The following ARL15 variants were observed in gnomAD, a reference collection of about 807,000 sequenced individuals.
ARL15 encodes ARF like GTPase 15, also known as ADP-ribosylation factor-like protein 15.
In ARL15, 19 loss-of-function variants were observed where a neutral mutation model predicts 25.2. That is an observed-to-expected ratio of 0.75 (90% CI 0.53 to 1.10). The LOEUF is 1.10. Ranked by LOEUF, ARL15 falls within the 50% of genes least tolerant of loss-of-function variation. The pLI, the probability that ARL15 is intolerant of heterozygous loss-of-function variation, is 0.00. For synonymous variants in ARL15, 94 were observed against 86.8 expected (o/e 1.08, Z -0.46); for missense variants, 220 against 246.0 (o/e 0.89, Z 0.71).
At chr5:54,155,438 T>C (rs187580629) in intron 2 of ARL15, among the ~76,000 whole-genome samples, 128 of 152,322 alleles carry the variant, frequency 8.4e-4, no homozygotes, top group East Asian at 4.2e-3. Flanking sequence ...ATAGTATTTA[T>C]GTTAGTGTCT....
intron 4 of ARL15, among the ~76,000 whole-genome samples, chr5:53,939,712 AG>A (rs1746472422): frequency 6.6e-6 from 1 of 151,898 alleles, no homozygotes. Context: ...TCCAGCCTGG[AG>A]ATAAAGCGAG....
chr5:53,899,809 C>T (rs528579250), intron 4 of ARL15, among the ~76,000 whole-genome samples: 138 of 152,188 alleles, frequency 9.1e-4, no homozygotes, highest in African/African-American at 1.7e-3. Flanking sequence ...TTCCAAGTTA[C>T]GACAAGAAAA....
chr5:54,093,780 T>C (rs1241762282), intron 4 of ARL15, among the ~76,000 whole-genome samples: 1 of 152,188 alleles, frequency 6.6e-6, no homozygotes, highest in Non-Finnish European at 1.5e-5. Flanking sequence ...AAAATGACTT[T>C]TACTCTTTTC....
At chr5:54,152,399 G>C (rs1754092686) in intron 3 of ARL15, among the ~76,000 whole-genome samples, 2 of 152,076 alleles carry the variant, frequency 1.3e-5, no homozygotes, top group Admixed American at 6.5e-5. Context: ...CTAGTACCTA[G>C]CCTCAAAAAA....
chr5:54,292,525 C>G (rs1160340692), intron 1 of ARL15, among the ~76,000 whole-genome samples: 1 of 152,130 alleles, frequency 6.6e-6, no homozygotes, highest in East Asian at 1.9e-4. Context: ...GCTATAGACC[C>G]TCGTAAGCCC....
intron 2 of ARL15, among the ~76,000 whole-genome samples, chr5:54,158,338 T>C (rs542801141): frequency 5.8e-4 from 89 of 152,200 alleles, no homozygotes; most frequent in Middle Eastern, 3.2e-3. Context: ...AGTCCATGTT[T>C]TTCCAGTATT....
At chr5:53,945,007 T>C (rs981388160) in intron 4 of ARL15, among the ~76,000 whole-genome samples, 4 of 152,180 alleles carry the variant, frequency 2.6e-5, no homozygotes, top group Non-Finnish European at 5.9e-5. Flanking sequence ...CAAATACTGA[T>C]TCCTGGGCAA....
intron 4 of ARL15, among the ~76,000 whole-genome samples, chr5:54,072,014 G>C (rs1278970581): frequency 1.4e-5 from 2 of 147,878 alleles, no homozygotes; most frequent in African/African-American, 5.0e-5. Flanking sequence ...AAGAAAATAA[G>C]AGCTACACAT....
chr5:54,158,612 C>T (rs1296380489), intron 2 of ARL15, among the ~76,000 whole-genome samples: 3 of 152,152 alleles, frequency 2.0e-5, no homozygotes, highest in Non-Finnish European at 2.9e-5. Flanking sequence ...CGGTGGCTCA[C>T]GCCTGTAATC....
chr5:54,011,785 C>T (rs1305580313), intron 4 of ARL15, among the ~76,000 whole-genome samples: 5 of 152,092 alleles, frequency 3.3e-5, no homozygotes, highest in East Asian at 1.9e-4. Context: ...CCGAGGCGGG[C>T]GGATCTCGAG....
chr5:54,139,372 G>T (rs117435497), intron 3 of ARL15, among the ~76,000 whole-genome samples: 1 of 152,104 alleles, frequency 6.6e-6, no homozygotes, highest in East Asian at 1.9e-4. Context: ...AGCAACTTGC[G>T]TGAAGCTAGA....
At chr5:54,178,253 T>C (rs1466742861) in intron 1 of ARL15, among the ~76,000 whole-genome samples, 1 of 152,216 alleles carries the variant, frequency 6.6e-6, no homozygotes, top group Non-Finnish European at 1.5e-5. Flanking sequence ...TTGTTTCAAT[T>C]GATGCTCTGT....
intron 4 of ARL15, among the ~76,000 whole-genome samples, chr5:54,062,829 G>A (rs1056082195): frequency 6.6e-6 from 1 of 152,148 alleles, no homozygotes; most frequent in African/African-American, 2.4e-5. Flanking sequence ...ATGGGGAATG[G>A]CATTCCTCAT....
intron 4 of ARL15, among the ~76,000 whole-genome samples, chr5:54,109,333 T>TTTTG (rs1372405056): frequency 1.3e-5 from 2 of 152,030 alleles, no homozygotes; most frequent in African/African-American, 2.4e-5. Context: ...ATACTATTTC[T>TTTTG]GAAAAAGTTA....
intron 1 of ARL15, among the ~76,000 whole-genome samples, chr5:54,183,085 T>C (rs1755110437): frequency 7.6e-6 from 1 of 131,148 alleles, no homozygotes; most frequent in South Asian, 2.4e-4. Context: ...AACAATCCTG[T>C]CGTCTGCAAA....
chr5:53,888,269 A>G (rs1264649456), intron 4 of ARL15, among the ~76,000 whole-genome samples: 1 of 149,498 alleles, frequency 6.7e-6, no homozygotes, highest in African/African-American at 2.4e-5. Flanking sequence ...TGTTTTATTT[A>G]TTTATTTTTT....
intron 1 of ARL15, among the ~76,000 whole-genome samples, chr5:54,243,182 A>G (rs1757001646): frequency 1.3e-5 from 2 of 152,234 alleles, no homozygotes; most frequent in South Asian, 4.1e-4. Flanking sequence ...ACAACATGAC[A>G]AATCATTTCT....
chr5:54,010,288 G>C (rs997236530), intron 4 of ARL15, among the ~76,000 whole-genome samples: 1 of 152,164 alleles, frequency 6.6e-6, no homozygotes, highest in African/African-American at 2.4e-5. Context: ...TGACAATGAA[G>C]TAAAACAAGT....
At position 54,191,043 on chromosome 5, in the gene ARL15, C is replaced by T. The variant is rs78638315; in HGVS notation, c.49-19115G>A. 6.3e-3 allele frequency among the ~76,000 whole-genome samples: 952 copies of T among 152,194 alleles called. 10 individuals carry two copies. Among genetic ancestry groups the T allele is most frequent in the African/African-American group, 0.022 (915 of 41,518 alleles). On this transcript the variant is annotated intron_variant, in intron 1 of 4. Transcript: ENST00000504924. ...GCAACATCACTCATAACAGCTAAAG[C>T]ATAGAAGTACCCCATATGTCCATCA...
Sources: gnomAD v4.1 joint callset for allele counts (sites outside exome capture counted in the v4.1 genomes callset) on GRCh38, gnomAD v4.1.1 for gene constraint, MANE v1.5 for transcripts, NCBI Gene and HGNC (gene_info 2026-07-23, HGNC 2026-07-21) for gene names.